The following FOXP1 variants were observed in gnomAD, a reference collection of about 807,000 sequenced individuals.
FOXP1 encodes forkhead box protein P1.
In FOXP1, 15 loss-of-function variants were observed where a neutral mutation model predicts 98.2. The observed-to-expected ratio is 0.15, with a 90% confidence interval of 0.10 to 0.24. FOXP1 has a LOEUF of 0.24. Among genes scored for constraint, FOXP1 ranks in the 10% least tolerant of loss-of-function variants. FOXP1 has a pLI of 1.00. For missense variants in FOXP1, 633 were observed against 848.5 expected, an observed-to-expected ratio of 0.75 and a Z score of 3.15; for synonymous variants, 371 against 314.5, an observed-to-expected ratio of 1.18 and a Z score of -1.90.
chr3:71,269,455 C>A (rs1053774713), intron 5 of FOXP1, among the ~76,000 whole-genome samples: 6 of 152,078 alleles, frequency 3.9e-5, no homozygotes, highest in Non-Finnish European at 8.8e-5. Context: ...AAGAATATGG[C>A]CATATTGTTC....
At chr3:71,161,687 G>A (rs575698866) in intron 6 of FOXP1, among the ~76,000 whole-genome samples, 3 of 152,322 alleles carry the variant, frequency 2.0e-5, no homozygotes, top group African/African-American at 7.2e-5. Context: ...AATTTCCTAA[G>A]AAACAGGGAG....
rs1049195103 is a variant in FOXP1 at position 71,105,899 on chromosome 3, C to CT, written c.282+6636dup. Among the ~76,000 whole-genome samples the CT allele has an allele frequency of 5.1e-4, 78 of 151,986 alleles. 1 individual carries two copies. The highest frequency in any genetic ancestry group is 3.9e-3 in the East Asian group (20 of 5,172). On this transcript the variant is annotated intron_variant, in intron 7 of 20. Coordinates refer to ENST00000649528, the MANE Select transcript of FOXP1 (RefSeq NM_001349338.3). ...ACTGATTTTTGTTGGTTTCAGCTGT[C>CT]TTTTTTTTGCTTATAATATGGAAAA...
intron 4 of FOXP1, among the ~76,000 whole-genome samples, chr3:71,316,926 G>A (rs564135425): frequency 2.1e-4 from 32 of 152,236 alleles, no homozygotes; most frequent in Admixed American, 1.8e-3. Flanking sequence ...AAAGTGCTGG[G>A]ATTTCAAGCA....
Position 71,067,934 on chromosome 3 carries a change from T to TAA in FOXP1, c.283-14163_283-14162dup, listed in dbSNP as rs5849980. 2.9e-3 allele frequency among the ~76,000 whole-genome samples: 350 copies of TAA among 119,180 alleles called. 1 individual carries two copies. Among genetic ancestry groups the TAA allele is most frequent in the Non-Finnish European group, 4.8e-3 (271 of 56,930 alleles). 78.2% of individuals were successfully genotyped at this position (119,180 alleles called of 152,430 possible). A position where few individuals can be genotyped will look rare whatever the true frequency, so the allele number is the denominator to read the frequency against. On this transcript the variant is annotated intron_variant, in intron 7 of 20. Coordinates refer to ENST00000649528, the MANE Select transcript of FOXP1 (RefSeq NM_001349338.3). ...CTGTCTTAAAAAATAAAAAATAAAA[T>TAA]AAAAAAAAAATATATACTACAGGCT...
intron 2 of FOXP1, among the ~76,000 whole-genome samples, chr3:71,528,888 A>C (rs1018389210): frequency 6.6e-6 from 1 of 152,234 alleles, no homozygotes; most frequent in Non-Finnish European, 1.5e-5. Flanking sequence ...TTTGTAAGAC[A>C]GTCTTGAAGT....
At chr3:71,507,100 T>C (rs1034423759) in intron 2 of FOXP1, among the ~76,000 whole-genome samples, 8 of 152,190 alleles carry the variant, frequency 5.3e-5, no homozygotes, top group Admixed American at 2.0e-4. Context: ...CTGCTGCCAG[T>C]CCTTCATGGT....
At chr3:71,582,291 G>C in intron 1 of FOXP1, 1 of 977,064 alleles carries the variant, frequency 1.0e-6, no homozygotes, top group Non-Finnish European at 1.2e-6. Context: ...GAAAAGGAGG[G>C]AGGCGGGAGG....
intron 2 of FOXP1, among the ~76,000 whole-genome samples, chr3:71,545,490 T>A (rs530029590): frequency 2.6e-5 from 4 of 152,300 alleles, no homozygotes; most frequent in African/African-American, 2.4e-5. Context: ...ACACTTAGGG[T>A]AAATATTGAT....
chr3:71,353,088 G>C (rs1281781798), intron 4 of FOXP1, among the ~76,000 whole-genome samples: 2 of 152,148 alleles, frequency 1.3e-5, no homozygotes, highest in African/African-American at 4.8e-5. Context: ...GATCCCCTGG[G>C]AAAGCTGGCA....
chr3:71,095,351 C>T (rs2056352830), intron 7 of FOXP1, among the ~76,000 whole-genome samples: 1 of 152,156 alleles, frequency 6.6e-6, no homozygotes, highest in Non-Finnish European at 1.5e-5. Flanking sequence ...CCATGTGGCC[C>T]TCATGGAACA....
intron 7 of FOXP1, among the ~76,000 whole-genome samples, chr3:71,068,211 C>G (rs1192480510): frequency 6.6e-6 from 1 of 152,172 alleles, no homozygotes. Context: ...CATTGTGCAG[C>G]TGGCTGTGCA....
chr3:71,062,940 G>T (rs980998344), intron 7 of FOXP1, among the ~76,000 whole-genome samples: 3 of 152,066 alleles, frequency 2.0e-5, no homozygotes, highest in Non-Finnish European at 4.4e-5. Context: ...ATTTTTATTT[G>T]CATCTTCTTA....
At chr3:71,281,096 G>C (rs188222467) in intron 5 of FOXP1, among the ~76,000 whole-genome samples, 2 of 150,910 alleles carry the variant, frequency 1.3e-5, no homozygotes, top group Admixed American at 6.6e-5. Context: ...AGGCGTCGTG[G>C]TGCATGCCTG....
At chr3:71,168,010 G>A (rs750550997) in intron 6 of FOXP1, among the ~76,000 whole-genome samples, 57 of 152,066 alleles carry the variant, frequency 3.7e-4, no homozygotes, top group Non-Finnish European at 6.6e-4. Context: ...TGTATGCTGG[G>A]TTTTCATCCA....
At chr3:71,267,124 A>AGAGTGTGTGTGTGTGTGTGTGTGT (rs142661368) in intron 5 of FOXP1, among the ~76,000 whole-genome samples, 1 of 148,298 alleles carries the variant, frequency 6.7e-6, no homozygotes, top group Non-Finnish European at 1.5e-5. Context: ...TATGGGAGAG[A>AGAGTGTGTGTGTGTGTGTGTGTGT]GTGTGTGTGT....
At chr3:71,033,821 C>T (rs989446469) in intron 11 of FOXP1, among the ~76,000 whole-genome samples, 3 of 152,102 alleles carry the variant, frequency 2.0e-5, no homozygotes, top group African/African-American at 7.2e-5. Flanking sequence ...CTTCAAAGCA[C>T]GATGGCTGCC....
At chr3:71,032,555 T>C (rs1191704614) in intron 11 of FOXP1, among the ~76,000 whole-genome samples, 2 of 152,200 alleles carry the variant, frequency 1.3e-5, no homozygotes, top group African/African-American at 2.4e-5. Flanking sequence ...CAAAGGGGTA[T>C]GGAATAAAGA....
chr3:71,296,433 C>T (rs1310824628), intron 5 of FOXP1: 1 of 152,048 alleles, frequency 6.6e-6, no homozygotes, highest in African/African-American at 2.4e-5. Context: ...TCCAACAAAC[C>T]TTTTATTTCT....
At chr3:71,198,105 C>A (rs778265298) in intron 6 of FOXP1, 97 bp downstream of exon 6, 5 of 1,613,666 alleles carry the variant, frequency 3.1e-6, no homozygotes, top group Non-Finnish European at 4.2e-6. Flanking sequence ...GACAGGTGAA[C>A]ACAAAACACT....
Sources: allele counts gnomAD v4.1 joint callset (sites outside exome capture counted in the v4.1 genomes callset), GRCh38; gene constraint gnomAD v4.1.1; transcripts MANE v1.5; gene names NCBI Gene and HGNC (gene_info 2026-07-23, HGNC 2026-07-21).